The following COBLL1 variants were observed in gnomAD, a reference collection of about 807,000 sequenced individuals.
COBLL1 encodes the protein cordon-bleu protein-like 1.
In COBLL1, 50 loss-of-function variants were observed where a neutral mutation model predicts 94.8. The observed-to-expected ratio is 0.53, with a 90% CI of 0.42 to 0.67. COBLL1 has a LOEUF of 0.67. COBLL1 is among the 30% of genes least tolerant of loss of function. The pLI, the probability that COBLL1 is intolerant of heterozygous loss-of-function variation, is 0.00. For synonymous variants in COBLL1, 448 were observed against 473.8 expected, an observed-to-expected ratio of 0.95 and a Z score of 0.71; for missense variants, 1,362 against 1,348.7, an observed-to-expected ratio of 1.01 and a Z score of -0.15.
intron 2 of COBLL1, among the ~76,000 whole-genome samples, chr2:164,815,199 A>C (rs1012013584): frequency 6.6e-6 from 1 of 152,068 alleles, no homozygotes; most frequent in African/African-American, 2.4e-5. Flanking sequence ...CAGGAGTTTG[A>C]GACCAGCCTG....
At chr2:164,760,304 T>C (rs746250051) in intron 2 of COBLL1, among the ~76,000 whole-genome samples, 1 of 152,178 alleles carries the variant, frequency 6.6e-6, no homozygotes, top group Non-Finnish European at 1.5e-5. Flanking sequence ...AGGAGTTACA[T>C]ACTGTATGGT....
At chr2:164,800,428 TGAG>T in intron 2 of COBLL1, 1 of 628,902 alleles carries the variant, frequency 1.6e-6, no homozygotes, top group Non-Finnish European at 2.8e-6. Flanking sequence ...ACTATGTTGG[TGAG>T]GATGCAGATC....
intron 11 of COBLL1, chr2:164,696,405 A>C (rs1293906463): frequency 6.6e-6 from 1 of 152,190 alleles, no homozygotes; most frequent in East Asian, 1.9e-4. Context: ...ATTAAGATTT[A>C]TAGTAAAAAC....
At chr2:164,687,304 A>T in intron 13 of COBLL1, 1 of 633,968 alleles carries the variant, frequency 1.6e-6, no homozygotes, top group Non-Finnish European at 2.9e-6. Context: ...AGGGCCCGGC[A>T]CTTGTCCACA....
At chr2:164,766,211 C>T (rs1440862420) in intron 2 of COBLL1, among the ~76,000 whole-genome samples, 1 of 152,152 alleles carries the variant, frequency 6.6e-6, no homozygotes, top group Non-Finnish European at 1.5e-5. Context: ...GTTTGAGTTG[C>T]TTCCACTATT....
chr2:164,707,136 A>T (rs533394306), intron 7 of COBLL1, among the ~76,000 whole-genome samples: 1 of 148,438 alleles, frequency 6.7e-6, no homozygotes, highest in African/African-American at 2.5e-5. Context: ...TCTTCAGGCC[A>T]TTTCTCAAAA....
At chr2:164,813,718 G>A (rs1684573144) in intron 2 of COBLL1, among the ~76,000 whole-genome samples, 1 of 152,128 alleles carries the variant, frequency 6.6e-6, no homozygotes, top group African/African-American at 2.4e-5. Context: ...TTGGGCTGCT[G>A]GAACACCACA....
intron 9 of COBLL1, among the ~76,000 whole-genome samples, chr2:164,701,972 T>C (rs1319514002): frequency 1.3e-5 from 2 of 152,060 alleles, no homozygotes; most frequent in Non-Finnish European, 2.9e-5. Flanking sequence ...AATTTAAATT[T>C]TTAACATAAT....
At chr2:164,691,420 A>G (rs1449084120) in intron 13 of COBLL1, among the ~76,000 whole-genome samples, 1 of 152,200 alleles carries the variant, frequency 6.6e-6, no homozygotes, top group African/African-American at 2.4e-5. Flanking sequence ...CTCGGGAGTT[A>G]ATGGAATAAT....
At chr2:164,837,454 G>A (rs780014400) in intron 2 of COBLL1, 24 of 465,618 alleles carry the variant, frequency 5.2e-5, no homozygotes, top group Non-Finnish European at 9.8e-5. Context: ...CTTCTCCAAT[G>A]CAGCATTTCA....
Position 164,841,535 on chromosome 2 carries a change from G to C in COBLL1, c.-51+175C>G. ...GGCGCCTCTCGGAGGGAGAGGAGCC[G>C]CCGGGGCTGGAAAAGGAGGAGGAGC... On this transcript the variant is annotated intron_variant, in intron 1 of 13. Transcript: ENST00000652658. This position sits in a 1 kb window ranked among gnomAD's most constrained non-coding sequence, Gnocchi z 5.5. 2.3e-6 allele frequency: 2 copies of C among 888,564 alleles called. No homozygotes were observed. Among genetic ancestry groups the C allele is most frequent in the Non-Finnish European group, 2.8e-6 (2 of 708,374 alleles). 55.0% of individuals were successfully genotyped at this position (888,564 alleles called of 1,614,324 possible). A position where few individuals can be genotyped will look rare whatever the true frequency, so the allele number is the denominator to read the frequency against.
At chr2:164,716,992 T>C (rs1685203140) in intron 7 of COBLL1, among the ~76,000 whole-genome samples, 1 of 152,142 alleles carries the variant, frequency 6.6e-6, no homozygotes, top group African/African-American at 2.4e-5. Context: ...GAAAATGCAT[T>C]AAAAACTCAA....
chr2:164,745,405 A>G (rs1686811683), intron 2 of COBLL1, among the ~76,000 whole-genome samples: 1 of 152,240 alleles, frequency 6.6e-6, no homozygotes, highest in Non-Finnish European at 1.5e-5. Flanking sequence ...CCCTGTAAAG[A>G]AGAATGCCCC....
At chr2:164,803,422 G>A (rs1405472063) in intron 2 of COBLL1, among the ~76,000 whole-genome samples, 4 of 151,268 alleles carry the variant, frequency 2.6e-5, no homozygotes, top group Admixed American at 6.6e-5. Flanking sequence ...AAAATTAGCC[G>A]GGCGTAGTGG....
chr2:164,660,893 C>T (rs1033569958), intron 2 of COBLL1, among the ~76,000 whole-genome samples: 1 of 152,020 alleles, frequency 6.6e-6, no homozygotes, highest in Admixed American at 6.6e-5. Context: ...GTGATTTAAA[C>T]CCTAATGGGA....
chr2:164,748,507 T>C (rs1465302030), intron 2 of COBLL1, among the ~76,000 whole-genome samples: 1 of 152,148 alleles, frequency 6.6e-6, no homozygotes, highest in Non-Finnish European at 1.5e-5. Flanking sequence ...CAATAACAAC[T>C]ATACTTAAGA....
intron 2 of COBLL1, among the ~76,000 whole-genome samples, chr2:164,664,679 C>T (rs75797197): frequency 8.0e-4 from 121 of 151,990 alleles, no homozygotes; most frequent in Middle Eastern, 6.8e-3. Context: ...TGAGGAAGAA[C>T]GGTTAATTTC....
At position 164,692,390 on chromosome 2, in the gene COBLL1, T is replaced by A. The variant is rs1280871537; in HGVS notation, c.3131A>T (p.Asn1044Ile). Residue 1044 changes from asparagine to isoleucine, a missense_variant, in exon 13 of 14, where the codon AAC becomes ATC. By Grantham distance (149) the Asn-to-Ile change is moderately radical. Coordinates refer to ENST00000652658, the MANE Select transcript of COBLL1 (RefSeq NM_001365672.2). ...GGAATTCTGTTCATTATGTGCAGAGTTATTTTCCTACAAAAATAAATGTGA... is the reference window on the plus strand; with the variant it reads ...GGAATTCTGTTCATTATGTGCAGAGATATTTTCCTACAAAAATAAATGTGA... The part of the protein sequence containing the change: ...PQLGVSDKEN[N>I]SAHNEQNSQI... 2 of 1,590,772 alleles carry A rather than the reference T, an allele frequency of 1.3e-6. No individual in the cohort carries two copies. The highest frequency in any genetic ancestry group is 3.7e-5 in the Admixed American group (2 of 53,784).
intron 2 of COBLL1, among the ~76,000 whole-genome samples, chr2:164,665,330 C>CAAAAAAAAAAAAA (rs11441643): frequency 8.2e-6 from 1 of 121,832 alleles, no homozygotes; most frequent in African/African-American, 3.1e-5. Context: ...GATTCTGTGT[C>CAAAAAAAAAAAAA]AAAAAAAAAA....
Sources: allele counts gnomAD v4.1 joint callset (sites outside exome capture counted in the v4.1 genomes callset), GRCh38; gene constraint gnomAD v4.1.1; non-coding constraint Gnocchi (gnomAD v3.1); transcripts MANE v1.5; gene names NCBI Gene and HGNC (gene_info 2026-07-23, HGNC 2026-07-21).